The following PWWP2A variants were observed in gnomAD, a reference collection of about 807,000 sequenced individuals.
The protein encoded by PWWP2A is PWWP domain containing 2A.
A neutral mutation model predicts 48.5 loss-of-function variants in PWWP2A; 18 were observed. The ratio of observed to expected loss-of-function variants is 0.37; its 90% CI spans 0.26 to 0.55. The LOEUF (loss-of-function observed/expected upper bound fraction) is 0.55. Ranked by LOEUF, PWWP2A falls within the 20% of genes least tolerant of loss-of-function variation. The probability of loss-of-function intolerance (pLI) is 0.81; values close to 1 mark genes in which losing one functional copy is unlikely to be tolerated. For synonymous variants in PWWP2A, 396 were observed against 387.7 expected (o/e 1.02, Z -0.25); for missense variants, 867 against 976.4 (o/e 0.89, Z 1.49).
At chr5:160,097,249 ATTGC>A (rs1333372683) in intron 1 of PWWP2A, among the ~76,000 whole-genome samples, 1 of 136,850 alleles carries the variant, frequency 7.3e-6, no homozygotes, top group Non-Finnish European at 1.5e-5. Context: ...AGGTGGGAGG[ATTGC>A]TTGAGTCTGG....
At chr5:160,064,903 TC>T in intron 4 of PWWP2A, 1 of 1,602,428 alleles carries the variant, frequency 6.2e-7, no homozygotes, top group Non-Finnish European at 8.5e-7. Context: ...ATTCCTGTAT[TC>T]ATTTGAGTTT....
At chr5:160,051,194 T>G in the PWWP2A span, 1 of 1,606,228 alleles carries the variant, frequency 6.2e-7, no homozygotes, top group Non-Finnish European at 8.5e-7. Context: ...GTAAGCTTAC[T>G]TCTTACTTTG....
chr5:160,063,411 C>T lies in PWWP2A; in HGVS notation c.*368+131G>A, dbSNP rs114171498. Reference sequence around the variant, plus strand: ...TTAAATTTTTGTAGATACAGGGTCTCCCTATGTTGCCCAGGCTGGTCTCAA... The same window carrying T: ...TTAAATTTTTGTAGATACAGGGTCTTCCTATGTTGCCCAGGCTGGTCTCAA... On this transcript the variant is annotated intron_variant and NMD_transcript_variant, in intron 5 of 5. Transcript: ENST00000524050. 955 of 152,646 alleles carry T rather than the reference C, an allele frequency of 6.3e-3. 7 individuals are homozygous for T. Among genetic ancestry groups the T allele is most frequent in the Non-Finnish European group, 0.01 (689 of 68,372 alleles). The allele number at this position is 152,646 out of a possible 1,614,324, so 9.5% of individuals were successfully genotyped here.
chr5:160,078,016 C>T lies in PWWP2A; in HGVS notation c.*139G>A, dbSNP rs180683343. ...TAAGACAGCACAATTTGCAAGTGCC[C>T]CTTTATAGACTGTTGTTTTTAACCA... On this transcript the variant is annotated 3_prime_UTR_variant, in exon 4 of 4. Transcript: ENST00000456329. The surrounding 1 kb of genome is among the most constrained non-coding windows in gnomAD (Gnocchi z 4.2). The T allele has an allele frequency of 7.3e-6, 5 of 681,908 alleles. No homozygotes were observed. The highest frequency in any genetic ancestry group is 1.3e-5 in the Non-Finnish European group (5 of 388,894). 42.2% of individuals were successfully genotyped at this position (681,908 alleles called of 1,614,324 possible). A position where few individuals can be genotyped will look rare whatever the true frequency, so the allele number is the denominator to read the frequency against.
At chr5:160,062,543 T>C (rs3733869) in intron 5 of PWWP2A, among the ~76,000 whole-genome samples, 100,399 of 152,090 alleles carry the variant, frequency 0.66, 33,163 homozygotes, top group East Asian at 0.73. Context: ...CCCAGTGGCT[T>C]ACATGATAGA....
intron 2 of PWWP2A, among the ~76,000 whole-genome samples, chr5:160,082,806 G>C (rs1247847952): frequency 6.6e-6 from 1 of 152,140 alleles, no homozygotes; most frequent in East Asian, 1.9e-4. Context: ...AGTAAGTGGA[G>C]GGAGAGACCC....
chr5:160,081,017 G>A (rs773017341), intron 2 of PWWP2A, among the ~76,000 whole-genome samples: 1 of 152,214 alleles, frequency 6.6e-6, no homozygotes, highest in South Asian at 2.1e-4. Context: ...AGTCAAATCC[G>A]CAGCAAGATG....
chr5:160,049,205 T>C, the PWWP2A span, among the ~76,000 whole-genome samples: 1 of 152,214 alleles, frequency 6.6e-6, no homozygotes, highest in African/African-American at 2.4e-5. Context: ...TGAACTTAAA[T>C]TTTAGTGTCC....
chr5:160,101,256 A>C (rs1358004021), intron 1 of PWWP2A, among the ~76,000 whole-genome samples: 1 of 152,194 alleles, frequency 6.6e-6, no homozygotes. Flanking sequence ...AAGCTGAGGC[A>C]CAAAAATTGT....
chr5:160,062,531 A>G (rs1753451501), intron 5 of PWWP2A, among the ~76,000 whole-genome samples: 1 of 152,188 alleles, frequency 6.6e-6, no homozygotes. Context: ...TATTCTTTAC[A>G]TCCCAGTGGC....
intron 4 of PWWP2A, among the ~76,000 whole-genome samples, chr5:160,063,875 C>G (rs556534473): frequency 1.3e-5 from 2 of 151,748 alleles, no homozygotes; most frequent in African/African-American, 4.8e-5. Flanking sequence ...CTCCTGGGCT[C>G]AAACCCTCCT....
the PWWP2A span, among the ~76,000 whole-genome samples, chr5:160,050,826 A>G: frequency 2.0e-5 from 3 of 151,908 alleles, no homozygotes; most frequent in Admixed American, 6.6e-5. Context: ...GCATTTTGCC[A>G]TGTTGCCCAA....
At chr5:160,090,307 TAC>T, downstream of PWWP2A, 1 of 985,204 alleles carries the variant, frequency 1.0e-6, no homozygotes, top group Non-Finnish European at 1.2e-6. Flanking sequence ...CCCAGATCAT[TAC>T]ACAAAGCCTT....
At chr5:160,117,368 C>A (rs1195450716) in intron 1 of PWWP2A, among the ~76,000 whole-genome samples, 1 of 151,652 alleles carries the variant, frequency 6.6e-6, no homozygotes, top group Non-Finnish European at 1.5e-5. Context: ...AAAAAAGATA[C>A]TTGAGGCCGG....
chr5:160,116,286 C>A (rs978997399), intron 1 of PWWP2A, among the ~76,000 whole-genome samples: 1 of 152,004 alleles, frequency 6.6e-6, no homozygotes, highest in African/African-American at 2.4e-5. Flanking sequence ...GGAACTCCTG[C>A]GCTCAAGTGA....
intron 1 of PWWP2A, among the ~76,000 whole-genome samples, chr5:160,109,766 A>ATATATATAT (rs1757263056): frequency 2.1e-5 from 1 of 47,510 alleles, no homozygotes; most frequent in African/African-American, 6.3e-5. Context: ...GGAAAAAAAA[A>ATATATATAT]AAAAAAAAAT....
chr5:160,079,302 G>C (rs902761677), intron 3 of PWWP2A, among the ~76,000 whole-genome samples: 1 of 151,302 alleles, frequency 6.6e-6, no homozygotes, highest in African/African-American at 2.4e-5. Context: ...TGCTTCCTTC[G>C]CTTACTAGAT....
At chr5:160,112,090 G>A (rs1349966438) in intron 1 of PWWP2A, among the ~76,000 whole-genome samples, 10 of 121,504 alleles carry the variant, frequency 8.2e-5, no homozygotes, top group Admixed American at 2.4e-4. Flanking sequence ...GTGTGCCACC[G>A]CATTCTGGCC....
At chr5:160,100,053 C>T (rs1006140726) in intron 1 of PWWP2A, among the ~76,000 whole-genome samples, 1 of 151,938 alleles carries the variant, frequency 6.6e-6, no homozygotes, top group Non-Finnish European at 1.5e-5. Context: ...GTAATCGCAG[C>T]ACTTTGGGAG....
Sources: allele counts gnomAD v4.1 joint callset (sites outside exome capture counted in the v4.1 genomes callset), GRCh38; gene constraint gnomAD v4.1.1; non-coding constraint Gnocchi (gnomAD v3.1); transcripts MANE v1.5; gene names NCBI Gene and HGNC (gene_info 2026-07-23, HGNC 2026-07-21).